Variants in GBGT1 observed in about 807,000 individuals in gnomAD.
GBGT1 encodes the protein globoside alpha-1,3-N-acetylgalactosaminyltransferase 1 (FORS blood group), also known as globoside alpha-1,3-N-acetylgalactosaminyltransferase 1.
Under a neutral mutation model 20.9 loss-of-function variants are expected in GBGT1, and 18 were observed. That is an observed-to-expected ratio of 0.86 (90% CI 0.60 to 1.28). The LOEUF (loss-of-function observed/expected upper bound fraction) is 1.28, where lower values mean the gene tolerates loss of function less well. Among genes scored for constraint, GBGT1 ranks in the 50% most tolerant of loss-of-function variants. The pLI is 0.00. For missense variants in GBGT1, 432 were observed against 455.7 expected (o/e 0.95, Z 0.47); for synonymous variants, 168 against 180.8 (o/e 0.93, Z 0.57).
intron 3 of GBGT1, chr9:133,160,076 C>T: frequency 4.7e-6 from 1 of 212,518 alleles, no homozygotes; most frequent in South Asian, 4.9e-5. Context: ...CGAAGCCTGG[C>T]CGAAGGGGGC....
At chr9:133,162,830 G>T (rs988890005) in intron 1 of GBGT1, among the ~76,000 whole-genome samples, 8 of 152,182 alleles carry the variant, frequency 5.3e-5, no homozygotes, top group Middle Eastern at 3.2e-3. Context: ...CCACTGCACC[G>T]GGCCAGGAAT....
intron 3 of GBGT1, among the ~76,000 whole-genome samples, chr9:133,160,551 A>G (rs867311774): frequency 3.2e-4 from 48 of 152,172 alleles, no homozygotes; most frequent in African/African-American, 1.1e-3. Context: ...CTAAGGGAAC[A>G]TATCTGAACA....
At chr9:133,161,872 G>A (rs2073925) in intron 2 of GBGT1, among the ~76,000 whole-genome samples, 16,298 of 152,220 alleles carry the variant, frequency 0.11, 1,525 homozygotes, top group East Asian at 0.51. Flanking sequence ...ATTTGGGAGC[G>A]TGAACGGGGA....
Position 133,154,296 on chromosome 9 carries a change from C to G in GBGT1, c.360-35G>C. On this transcript the variant is annotated intron_variant, in intron 6 of 6. Coordinates refer to ENST00000372040, the MANE Select transcript of GBGT1 (RefSeq NM_021996.6). This position sits in a 1 kb window ranked among gnomAD's most constrained non-coding sequence, Gnocchi z 4.2. Reference sequence around the variant, plus strand: ...ATCACCCGGTCACCCACTGCTACACCAGCAGCCTGCCAGGGTCCCCACTGT... The same window carrying G: ...ATCACCCGGTCACCCACTGCTACACGAGCAGCCTGCCAGGGTCCCCACTGT... 1 of 1,357,448 alleles carries G rather than the reference C, an allele frequency of 7.4e-7. No homozygotes were observed. Among genetic ancestry groups the G allele is most frequent in the South Asian group, 1.4e-5 (1 of 70,094 alleles). 84.1% of individuals were successfully genotyped at this position (1,357,448 alleles called of 1,614,324 possible).
intron 3 of GBGT1, among the ~76,000 whole-genome samples, chr9:133,158,559 C>T (rs1222648185): frequency 6.6e-6 from 1 of 152,220 alleles, no homozygotes; most frequent in Non-Finnish European, 1.5e-5. Flanking sequence ...GCTGGGATTA[C>T]AGGCATGAGC....
chr9:133,156,101 G>T, intron 3 of GBGT1, 36 bp from the exon 4 acceptor site: 2 of 1,611,508 alleles, frequency 1.2e-6, no homozygotes, highest in Non-Finnish European at 1.7e-6. Context: ...ATCATCATGG[G>T]TCTGGGGACA....
At chr9:133,161,186 T>C (rs951583165) in intron 3 of GBGT1, 25 of 428,564 alleles carry the variant, frequency 5.8e-5, no homozygotes, top group African/African-American at 3.6e-4. Flanking sequence ...CTTTGCACTC[T>C]GTGTTCTCAG....
chr9:133,154,683 G>A lies in GBGT1; in HGVS notation c.360-422C>T, dbSNP rs543141478. 1 of 177,618 alleles carries A rather than the reference G, an allele frequency of 5.6e-6. No homozygotes were observed. The highest frequency in any genetic ancestry group is 1.6e-4 in the East Asian group (1 of 6,340). 11.0% of individuals were successfully genotyped at this position (177,618 alleles called of 1,614,324 possible). A position where few individuals can be genotyped will look rare whatever the true frequency, so the allele number is the denominator to read the frequency against. On this transcript the variant is annotated intron_variant, in intron 6 of 6. Transcript: ENST00000372040. This position sits in a 1 kb window ranked among gnomAD's most constrained non-coding sequence, Gnocchi z 4.2. ...GCTAGATGCTGGGGGCATGGAGGGG[G>A]GTGTGGTTGACACAGCCCTGCCCCC...
intron 5 of GBGT1, 137 bp downstream of exon 5, chr9:133,155,764 C>A: frequency 1.1e-6 from 1 of 902,964 alleles, no homozygotes; most frequent in Non-Finnish European, 1.8e-6. Flanking sequence ...GACTCCCAGC[C>A]CTGTGTCTTT....
At chr9:133,158,181 C>G (rs1386569086) in intron 3 of GBGT1, among the ~76,000 whole-genome samples, 1 of 151,548 alleles carries the variant, frequency 6.6e-6, no homozygotes, top group Non-Finnish European at 1.5e-5. Context: ...GCAGCAGCAA[C>G]AAAAGGCCCG....
chr9:133,154,058 C>G lies in GBGT1; in HGVS notation c.563G>C (p.Ser188Thr). The change falls in exon 7 of 7, where the codon AGC becomes ACC. Residue 188 changes from serine (S) to threonine (T), a missense_variant. By Grantham distance (58) the Ser-to-Thr change is moderately conservative (BLOSUM62 1). Coordinates refer to ENST00000372040, the MANE Select transcript of GBGT1 (RefSeq NM_021996.6). This position sits in a 1 kb window ranked among gnomAD's most constrained non-coding sequence, Gnocchi z 4.2. ...ETSMRRMETI[S>T]QHIAKRAHRE... is the part of the protein sequence containing the mutation. ...GTGAGCCCTCTTAGCAATGTGCTGG[C>G]TGATGGTCTCCATCCGGCGCATGGA... is the stretch of plus-strand genomic sequence containing the variant. 1 of 1,613,656 alleles carries G rather than the reference C, an allele frequency of 6.2e-7. No homozygotes were observed. Among genetic ancestry groups the G allele is most frequent in the Non-Finnish European group, 8.5e-7 (1 of 1,180,006 alleles).
rs2119306303 is a variant in GBGT1 at position 133,156,018 on chromosome 9, A to T, written c.185T>A (p.Val62Glu). The change falls in exon 4 of 7, where the codon GTA becomes GAA. Residue 62 changes from valine (V) to glutamate (E), a missense_variant. Physicochemically the swap from Val to Glu is moderately radical, Grantham distance 121 (BLOSUM62 -2). Coordinates refer to ENST00000372040, the MANE Select transcript of GBGT1 (RefSeq NM_021996.6). ...YKREKPLQPV[V>E]WSQYPQPKLL... ...GAGGAAATGCCAGTCTCCTTACCAT[A>T]CCACGGGCTGGAGTGGCTTCTCCCT... 6.2e-7 allele frequency: 1 copy of T among 1,613,932 alleles called. No individual in the cohort carries two copies. Among genetic ancestry groups the T allele is most frequent in the Admixed American group, 1.7e-5 (1 of 60,016 alleles).
rs201749415 is a variant in GBGT1 at position 133,161,541 on chromosome 9, A to T, written c.72-9T>A. 6,364 of 1,340,058 alleles carry T rather than the reference A, an allele frequency of 4.7e-3. 29 individuals carry two copies. The highest frequency in any genetic ancestry group is 0.025 in the South Asian group (1,360 of 53,990). 83.0% of individuals were successfully genotyped at this position (1,340,058 alleles called of 1,614,324 possible). A position where few individuals can be genotyped will look rare whatever the true frequency, so the allele number is the denominator to read the frequency against. ...AGTTCTCAAGATACACCCTGTGAAT[A>T]AAAAAAAGAAAAAAAATCTGTTGAT... On this transcript the variant is annotated splice_polypyrimidine_tract_variant and intron_variant, in intron 2 of 6. Coordinates refer to ENST00000372040, the MANE Select transcript of GBGT1 (RefSeq NM_021996.6).
chr9:133,158,890 T>G (rs1167726380), intron 3 of GBGT1, among the ~76,000 whole-genome samples: 1 of 152,178 alleles, frequency 6.6e-6, no homozygotes, highest in Non-Finnish European at 1.5e-5. Context: ...CTCTATGAAC[T>G]TGAGTATGGA....
At chr9:133,155,759 C>G (rs532613368) in intron 5 of GBGT1, 142 bp downstream of exon 5, 1 of 882,704 alleles carries the variant, frequency 1.1e-6, no homozygotes, top group Admixed American at 2.0e-5. Flanking sequence ...TCCCTGACTC[C>G]CAGCCCTGTG....
At chr9:133,162,787 G>A (rs1163329407) in intron 1 of GBGT1, among the ~76,000 whole-genome samples, 23 of 152,266 alleles carry the variant, frequency 1.5e-4, no homozygotes, top group African/African-American at 5.1e-4. Flanking sequence ...CACCCGCCTC[G>A]GCCTCCCAAA....
chr9:133,160,936 G>A, intron 3 of GBGT1: 1 of 284,684 alleles, frequency 3.5e-6, no homozygotes, highest in Non-Finnish European at 6.5e-6. Flanking sequence ...CTTGAACTGG[G>A]GAGGTGGAGG....
At position 133,154,738 on chromosome 9, in the gene GBGT1, C is replaced by T. The variant is rs1424677513; in HGVS notation, c.359+440G>A. The T allele has an allele frequency of 1.1e-5, 2 of 176,922 alleles. No individual in the cohort carries two copies. Among genetic ancestry groups the T allele is most frequent in the East Asian group, 1.6e-4 (1 of 6,396 alleles). 11.0% of individuals were successfully genotyped at this position (176,922 alleles called of 1,614,324 possible). A position where few individuals can be genotyped will look rare whatever the true frequency, so the allele number is the denominator to read the frequency against. ...CAAAACTCATTGGACAAGGGGGTCA[C>T]CTGACCCTAGGTGGACCATTCATCA... On this transcript the variant is annotated intron_variant, in intron 6 of 6. Coordinates refer to ENST00000372040, the MANE Select transcript of GBGT1 (RefSeq NM_021996.6). This position sits in a 1 kb window ranked among gnomAD's most constrained non-coding sequence, Gnocchi z 4.2.
chr9:133,158,912 A>G (rs1012016122), intron 3 of GBGT1, among the ~76,000 whole-genome samples: 14 of 152,114 alleles, frequency 9.2e-5, no homozygotes, highest in African/African-American at 3.1e-4. Context: ...AGTACTTCCT[A>G]TAAGTGGAAT....
Sources: allele counts gnomAD v4.1 joint callset (sites outside exome capture counted in the v4.1 genomes callset), GRCh38; gene constraint gnomAD v4.1.1; non-coding constraint Gnocchi (gnomAD v3.1); transcripts MANE v1.5; gene names NCBI Gene and HGNC (gene_info 2026-07-23, HGNC 2026-07-21).